The following ILRUN variants were observed in gnomAD, a reference collection of about 807,000 sequenced individuals.
ILRUN encodes the protein protein ILRUN.
A neutral mutation model predicts 33.8 loss-of-function variants in ILRUN; 3 were observed. The observed-to-expected ratio is 0.09, with a 90% CI of 0.04 to 0.23. ILRUN has a LOEUF of 0.23. Ranked by LOEUF, ILRUN falls within the 10% of genes least tolerant of loss-of-function variation. ILRUN has a pLI of 1.00. For missense variants in ILRUN, 210 were observed against 375.1 expected, an observed-to-expected ratio of 0.56 and a Z score of 3.64; for synonymous variants, 124 against 138.9, an observed-to-expected ratio of 0.89 and a Z score of 0.75.
At chr6:34,674,392 T>G (rs972855734) in intron 1 of ILRUN, among the ~76,000 whole-genome samples, 2 of 152,240 alleles carry the variant, frequency 1.3e-5, no homozygotes, top group South Asian at 2.1e-4. Flanking sequence ...ATGTTATATA[T>G]GAGAAAGCTG....
At chr6:34,671,429 A>G (rs1057401704) in intron 1 of ILRUN, among the ~76,000 whole-genome samples, 1 of 152,234 alleles carries the variant, frequency 6.6e-6, no homozygotes, top group Admixed American at 6.5e-5. Context: ...ACTGAAAAAT[A>G]ACTAATCCCA....
At position 34,641,097 on chromosome 6, in the gene ILRUN, A is replaced by C. The variant is rs1222411861; in HGVS notation, c.511+5504T>G. ...CCATCTCAAAAAAAAAAAAAAAAAAACAAATTATAGAAACAACCACCCCAC... is the reference window on the plus strand; with the variant it reads ...CCATCTCAAAAAAAAAAAAAAAAAACCAAATTATAGAAACAACCACCCCAC... On this transcript the variant is annotated intron_variant, in intron 3 of 4. Coordinates refer to ENST00000374023, the MANE Select transcript of ILRUN (RefSeq NM_024294.4). Among the ~76,000 whole-genome samples the C allele has an allele frequency of 1.3e-5, 2 of 151,092 alleles. 1 individual carries two copies. Among genetic ancestry groups the C allele is most frequent in the South Asian group, 4.2e-4 (2 of 4,788 alleles).
chr6:34,690,271 G>C, intron 1 of ILRUN, among the ~76,000 whole-genome samples: 1 of 151,964 alleles, frequency 6.6e-6, no homozygotes, highest in Non-Finnish European at 1.5e-5. Flanking sequence ...GACCAGCCTG[G>C]CCAACATGGC....
At chr6:34,625,900 G>T (rs910780277) in intron 3 of ILRUN, among the ~76,000 whole-genome samples, 1 of 148,342 alleles carries the variant, frequency 6.7e-6, no homozygotes, top group African/African-American at 2.5e-5. Flanking sequence ...GCTCAGGCTG[G>T]AGTGCAGTGG....
Position 34,588,553 on chromosome 6 carries a change from A to C in ILRUN, c.*2012T>G. On this transcript the variant is annotated 3_prime_UTR_variant, in exon 5 of 5. Transcript: ENST00000374023. ...TACCAGCAGCAGCAGTCTGGGCCTA[A>C]TGAGGCCCTCAGACAAAAAGCCATC... 1 of 240,156 alleles carries C rather than the reference A, an allele frequency of 4.2e-6. No individual in the cohort carries two copies. Among genetic ancestry groups the C allele is most frequent in the Non-Finnish European group, 8.0e-6 (1 of 125,424 alleles). 14.9% of individuals were successfully genotyped at this position (240,156 alleles called of 1,614,324 possible).
intron 1 of ILRUN, among the ~76,000 whole-genome samples, chr6:34,688,411 A>C (rs1406851662): frequency 6.6e-6 from 1 of 151,964 alleles, no homozygotes; most frequent in East Asian, 1.9e-4. Context: ...TCAAAAAAAA[A>C]AAAAAAAAAT....
intron 4 of ILRUN, among the ~76,000 whole-genome samples, chr6:34,604,652 T>C (rs1761587283): frequency 6.6e-6 from 1 of 152,184 alleles, no homozygotes; most frequent in South Asian, 2.1e-4. Context: ...GAGGGTTAAA[T>C]TCAAGAAAAA....
chr6:34,690,595 G>C lies in ILRUN; in HGVS notation c.158+5851C>G, dbSNP rs114799863. ...AATCTTGGTTTCCCATCAAAAAAAA[G>C]CCAATTAGACTACATTAAAAAATAT... On this transcript the variant is annotated intron_variant, in intron 1 of 4. Transcript: ENST00000374023. Among the ~76,000 whole-genome samples, 728 of 151,718 alleles carry C rather than the reference G, an allele frequency of 4.8e-3. 8 individuals carry two copies. The highest frequency in any genetic ancestry group is 0.012 in the African/African-American group (477 of 41,306).
At chr6:34,671,615 G>A (rs1763119614) in intron 1 of ILRUN, among the ~76,000 whole-genome samples, 1 of 152,156 alleles carries the variant, frequency 6.6e-6, no homozygotes, top group African/African-American at 2.4e-5. Context: ...AGAATGAAAG[G>A]CAGAATAAAA....
At chr6:34,615,863 A>G (rs1582047107) in intron 3 of ILRUN, among the ~76,000 whole-genome samples, 1 of 152,190 alleles carries the variant, frequency 6.6e-6, no homozygotes, top group East Asian at 1.9e-4. Flanking sequence ...TCTTCAAACT[A>G]GGGTTACATC....
chr6:34,696,574 C>T lies in ILRUN; in HGVS notation c.30G>A (p.Pro10=), dbSNP rs375296741. The T allele has an allele frequency of 1.3e-5, 21 of 1,612,412 alleles. No homozygotes were observed. In the African/African-American group the frequency reaches 2.7e-4, roughly 20 times the overall value. Residue 10 remains proline (P), a synonymous_variant, in exon 1 of 5, where the codon CCG becomes CCA. Coordinates refer to ENST00000374023, the MANE Select transcript of ILRUN (RefSeq NM_024294.4). ...GGCAGCTGAACTTCTGCATCAGCTC[C>T]GGGTCCAGGTCTACGTCCATGCCCT... MEGMDVDLD[P]ELMQKFSCLG...
intron 2 of ILRUN, among the ~76,000 whole-genome samples, chr6:34,654,265 G>T (rs184639929): frequency 1.3e-5 from 2 of 152,108 alleles, no homozygotes; most frequent in Non-Finnish European, 2.9e-5. Flanking sequence ...TGCTGGAAAT[G>T]ACTGGAAGAT....
intron 3 of ILRUN, among the ~76,000 whole-genome samples, chr6:34,614,457 A>ATATATAAAT (rs1309059164): frequency 7.5e-6 from 1 of 134,004 alleles, no homozygotes; most frequent in Non-Finnish European, 1.5e-5. Flanking sequence ...TATATATATA[A>ATATATAAAT]AATGTATATT....
intron 1 of ILRUN, among the ~76,000 whole-genome samples, chr6:34,695,099 G>A (rs1763732124): frequency 6.6e-6 from 1 of 151,594 alleles, no homozygotes; most frequent in Non-Finnish European, 1.5e-5. Context: ...GTGCAGCCAC[G>A]GCTACAACAC....
Position 34,606,887 on chromosome 6 carries a change from G to T in ILRUN, c.529C>A (p.Leu177Ile). 6.2e-7 allele frequency: 1 copy of T among 1,612,378 alleles called. No individual in the cohort carries two copies. Among genetic ancestry groups the T allele is most frequent in the Non-Finnish European group, 8.5e-7 (1 of 1,179,356 alleles). Reference sequence around the variant, plus strand: ...AAAAGTCCACCCACCTCCACACTGAGAATCACCCAGATGACATCTGAAACA... The same window carrying T: ...AAAAGTCCACCCACCTCCACACTGATAATCACCCAGATGACATCTGAAACA... ...LYYGDVIWVI[L>I]SVEVGGLLGV... Residue 177 changes from leucine to isoleucine, a missense_variant, in exon 4 of 5, where the codon CTC (leucine) becomes ATC (isoleucine). Physicochemically the swap from Leu to Ile is conservative, Grantham distance 5 (BLOSUM62 2). This residue lies in a region of ILRUN where 60 missense variants were observed against 138.1 expected (regional missense o/e 0.43). Coordinates refer to ENST00000374023, the MANE Select transcript of ILRUN (RefSeq NM_024294.4).
intron 1 of ILRUN, among the ~76,000 whole-genome samples, chr6:34,673,167 A>T (rs1763151630): frequency 6.6e-6 from 1 of 152,186 alleles, no homozygotes; most frequent in Admixed American, 6.5e-5. Context: ...CAGAATGCAA[A>T]AGTTTCAAAT....
chr6:34,695,468 T>C (rs1393312595), intron 1 of ILRUN, among the ~76,000 whole-genome samples: 3 of 152,228 alleles, frequency 2.0e-5, no homozygotes, highest in Non-Finnish European at 2.9e-5. Flanking sequence ...CAGCAAGTGC[T>C]ACTTCCAAAG....
chr6:34,662,305 C>CAA (rs528133769), intron 1 of ILRUN, among the ~76,000 whole-genome samples: 32 of 75,164 alleles, frequency 4.3e-4, no homozygotes, highest in East Asian at 3.7e-3. Flanking sequence ...GACTCCGTCT[C>CAA]AAAAAAAAAA....
At position 34,610,190 on chromosome 6, in the gene ILRUN, A is replaced by G. The variant is rs548218220; in HGVS notation, c.512-3286T>C. Among the ~76,000 whole-genome samples, 13 of 149,608 alleles carry G rather than the reference A, an allele frequency of 8.7e-5. 2 individuals carry two copies. The highest frequency in any genetic ancestry group is 3.3e-4 in the Admixed American group (5 of 15,104). ...AAAAAAAGAAAAAGAAAAAGAAAAAAAAGAAAAGAAAATATAAATCCCCAT... is the reference window on the plus strand; with the variant it reads ...AAAAAAAGAAAAAGAAAAAGAAAAAGAAGAAAAGAAAATATAAATCCCCAT... On this transcript the variant is annotated intron_variant, in intron 3 of 4. Transcript: ENST00000374023.
Sources: gnomAD v4.1 joint callset for allele counts (sites outside exome capture counted in the v4.1 genomes callset) on GRCh38, gnomAD v4.1.1 for gene constraint, gnomAD v4.1.1 regional missense constraint, MANE v1.5 for transcripts, NCBI Gene and HGNC (gene_info 2026-07-23, HGNC 2026-07-21) for gene names.